Variants in CDK13 observed in about 807,000 individuals in gnomAD.
CDK13 encodes the protein cyclin-dependent kinase 13.
CDK13 carries 40 observed loss-of-function variants against 137.6 expected under a neutral mutation model. The ratio of observed to expected loss-of-function variants is 0.29; its 90% CI spans 0.23 to 0.38. The LOEUF is 0.38. Ranked by LOEUF, CDK13 falls within the 10% of genes least tolerant of loss-of-function variation. CDK13 has a pLI of 1.00. For missense variants in CDK13, 1,704 were observed against 1,951.8 expected (o/e 0.87, Z 2.39); for synonymous variants, 869 against 760.1 (o/e 1.14, Z -2.36).
intron 5 of CDK13, among the ~76,000 whole-genome samples, chr7:40,037,445 A>G (rs868762436): frequency 5.3e-5 from 8 of 152,338 alleles, no homozygotes; most frequent in Middle Eastern, 3.4e-3. Context: ...AAAGTTGCTT[A>G]AATATCCTGA....
At chr7:39,961,705 A>G (rs926064095) in intron 1 of CDK13, among the ~76,000 whole-genome samples, 41 of 151,490 alleles carry the variant, frequency 2.7e-4, no homozygotes, top group South Asian at 6.2e-4. Flanking sequence ...TTACATATGT[A>G]TACATGTGCC....
At chr7:40,057,636 T>A (rs892050762) in intron 7 of CDK13, among the ~76,000 whole-genome samples, 1 of 152,178 alleles carries the variant, frequency 6.6e-6, no homozygotes, top group African/African-American at 2.4e-5. Flanking sequence ...GTGAGGCTGT[T>A]TGCTGAGACA....
In CDK13 at chr7:40,078,940, T is replaced by G. The variant is rs570664399; in HGVS notation, c.3029+89T>G. The G allele has an allele frequency of 1.1e-4, 46 of 430,608 alleles. No homozygotes were observed. The Admixed American group carries it at 1.8e-3, about 17-fold the overall frequency. 26.7% of individuals were successfully genotyped at this position (430,608 alleles called of 1,614,324 possible). On this transcript the variant is annotated intron_variant, in intron 11 of 13. Coordinates refer to ENST00000181839, the MANE Select transcript of CDK13 (RefSeq NM_003718.5). ...TTTAATAACATATATAATAAGATAT[T>G]TCATGTCTGGTTATGAGAAAAATAT...
chr7:40,071,407 T>G (rs948890620), intron 9 of CDK13: 1 of 152,238 alleles, frequency 6.6e-6, no homozygotes, highest in Non-Finnish European at 1.5e-5. Flanking sequence ...ACTTGGATCC[T>G]CATATCTGTG....
At chr7:40,034,828 G>T (rs1785449144) in intron 5 of CDK13, among the ~76,000 whole-genome samples, 1 of 152,122 alleles carries the variant, frequency 6.6e-6, no homozygotes, top group African/African-American at 2.4e-5. Flanking sequence ...TCATTGCTTT[G>T]ATTAGTACTT....
chr7:40,050,251 T>C (rs886301611), intron 7 of CDK13, among the ~76,000 whole-genome samples: 1 of 152,200 alleles, frequency 6.6e-6, no homozygotes, highest in African/African-American at 2.4e-5. Context: ...TATAGTTAAG[T>C]TTTCAATTCG....
intron 1 of CDK13, among the ~76,000 whole-genome samples, chr7:39,968,868 A>G (rs1783932814): frequency 6.6e-6 from 1 of 151,870 alleles, no homozygotes; most frequent in Admixed American, 6.6e-5. Context: ...GAACCAAACT[A>G]CTCTTACTTC....
chr7:39,973,478 A>G (rs369526446), intron 1 of CDK13, among the ~76,000 whole-genome samples: 1 of 152,056 alleles, frequency 6.6e-6, no homozygotes, highest in Non-Finnish European at 1.5e-5. Context: ...TTATTATAGG[A>G]TCTTAAGAGT....
chr7:40,046,782 A>C (rs1017161610), intron 6 of CDK13, among the ~76,000 whole-genome samples: 1 of 152,032 alleles, frequency 6.6e-6, no homozygotes. Flanking sequence ...CAGATGGATC[A>C]CTTGAGGCCA....
chr7:40,092,727 T>A, intron 12 of CDK13, 58 bp from the exon 13 acceptor site: 4 of 1,255,884 alleles, frequency 3.2e-6, no homozygotes, highest in Non-Finnish European at 4.6e-6. Flanking sequence ...CATTTTGGTG[T>A]GGGAGTGGGA....
intron 2 of CDK13, among the ~76,000 whole-genome samples, chr7:39,994,092 A>G (rs930617469): frequency 1.3e-5 from 2 of 151,854 alleles, no homozygotes; most frequent in Non-Finnish European, 2.9e-5. Flanking sequence ...CCTTTTTCGA[A>G]TTGATGTTTA....
chr7:40,014,455 T>C (rs866543469), intron 5 of CDK13, among the ~76,000 whole-genome samples: 4,388 of 145,342 alleles, frequency 0.03, 150 homozygotes, highest in African/African-American at 0.11. Context: ...TCTCTCTCTT[T>C]TTTTTTTTTT....
chr7:39,977,152 T>G (rs920205435), intron 1 of CDK13, among the ~76,000 whole-genome samples: 2 of 152,158 alleles, frequency 1.3e-5, no homozygotes, highest in Non-Finnish European at 2.9e-5. Flanking sequence ...GGATAAGCCT[T>G]GAATAGAAGA....
intron 1 of CDK13, among the ~76,000 whole-genome samples, chr7:39,957,335 T>C (rs1330828721): frequency 3.1e-5 from 3 of 97,866 alleles, no homozygotes. Context: ...ACTTTATCTT[T>C]GTTGTAGAGT....
intron 1 of CDK13, among the ~76,000 whole-genome samples, chr7:39,973,090 A>G (rs1326386643): frequency 1.3e-5 from 2 of 152,140 alleles, no homozygotes; most frequent in Non-Finnish European, 2.9e-5. Context: ...GAAATGGCCA[A>G]AATCTTTTTT....
rs2116056961 is a variant in CDK13 at position 39,951,174 on chromosome 7, G to A, written c.533G>A (p.Gly178Asp). 4 of 1,243,544 alleles carry A rather than the reference G, an allele frequency of 3.2e-6. No homozygotes were observed. The highest frequency in any genetic ancestry group is 4.0e-6 in the Non-Finnish European group (4 of 995,720). 77.0% of individuals were successfully genotyped at this position (1,243,544 alleles called of 1,614,324 possible). Residue 178 changes from glycine to aspartate, a missense_variant, in exon 1 of 14, where the codon GGC (glycine) becomes GAC (aspartate). Coordinates refer to ENST00000181839, the MANE Select transcript of CDK13 (RefSeq NM_003718.5). The stretch of plus-strand genomic sequence containing the variant: ...GCTGCCGGGGGAACGGGGGGCAGCG[G>A]CGGGAGTCCGGCCTCCTCCTCCGGC... The part of the protein sequence containing the change: ...ATAAGGTGGS[G>D]GSPASSSGTQ...
Position 40,002,705 on chromosome 7 carries a change from A to AT in CDK13, c.2353+678dup, listed in dbSNP as rs1342733245. 8.5e-5 allele frequency among the ~76,000 whole-genome samples: 13 copies of AT among 152,144 alleles called. No homozygotes were observed. The East Asian group carries it at 1.9e-3, about 23-fold the overall frequency. On this transcript the variant is annotated intron_variant, in intron 5 of 13. Coordinates refer to ENST00000181839, the MANE Select transcript of CDK13 (RefSeq NM_003718.5). ...AATCTTACATTTAAATCTTTATGAG[A>AT]TTTTAGAACCAAAGTTTACTGACTG...
At position 39,966,544 on chromosome 7, in the gene CDK13, A is replaced by G. The variant is rs534157863; in HGVS notation, c.1211+14692A>G. 4.6e-5 allele frequency among the ~76,000 whole-genome samples: 7 copies of G among 152,030 alleles called. No individual in the cohort carries two copies. In the South Asian group the frequency reaches 1.0e-3, roughly 23 times the overall value. The stretch of plus-strand genomic sequence containing the variant: ...TTTCAAGGTTTTTAACTTCTTTGCC[A>G]TGGGTTCGAATTTCCTCCTTTAGCT... On this transcript the variant is annotated intron_variant, in intron 1 of 13. Coordinates refer to ENST00000181839, the MANE Select transcript of CDK13 (RefSeq NM_003718.5).
At chr7:40,088,387 A>C in intron 12 of CDK13, 56 bp downstream of exon 12, 1 of 1,331,212 alleles carries the variant, frequency 7.5e-7, no homozygotes, top group Non-Finnish European at 1.1e-6. Flanking sequence ...GTTAATTCTG[A>C]TCATATTGCT....
Sources: allele counts gnomAD v4.1 joint callset (sites outside exome capture counted in the v4.1 genomes callset), GRCh38; gene constraint gnomAD v4.1.1; transcripts MANE v1.5; gene names NCBI Gene and HGNC (gene_info 2026-07-23, HGNC 2026-07-21).